Variants in HS6ST3 observed in about 807,000 individuals in gnomAD.
HS6ST3 encodes the protein heparan-sulfate 6-O-sulfotransferase 3.
Under a neutral mutation model 36.7 loss-of-function variants are expected in HS6ST3, and 12 were observed. The ratio of observed to expected loss-of-function variants is 0.33; its 90% CI spans 0.21 to 0.53. The LOEUF (loss-of-function observed/expected upper bound fraction) is 0.53. HS6ST3 is among the 20% of genes least tolerant of loss of function. HS6ST3 has a pLI of 0.95. For missense variants in HS6ST3, 584 were observed against 640.9 expected, an observed-to-expected ratio of 0.91 and a Z score of 0.96; for synonymous variants, 240 against 257.5, an observed-to-expected ratio of 0.93 and a Z score of 0.65.
chr13:96,382,758 A>AT (rs2055347656), intron 1 of HS6ST3, among the ~76,000 whole-genome samples: 1 of 152,204 alleles, frequency 6.6e-6, no homozygotes, highest in Admixed American at 6.5e-5. Context: ...TATGCTTCTC[A>AT]TGTCAATATT....
intron 1 of HS6ST3, among the ~76,000 whole-genome samples, chr13:96,367,755 T>C (rs1279193314): frequency 1.3e-5 from 2 of 152,182 alleles, no homozygotes; most frequent in Non-Finnish European, 2.9e-5. Flanking sequence ...GAAGCAACAG[T>C]GGAGGAAGTA....
chr13:96,417,243 A>G (rs546833523), intron 1 of HS6ST3, among the ~76,000 whole-genome samples: 15 of 152,244 alleles, frequency 9.9e-5, no homozygotes, highest in South Asian at 8.3e-4. Context: ...ACCTAATGCT[A>G]TGTACAAGGT....
At position 96,540,349 on chromosome 13, in the gene HS6ST3, A is replaced by C. The variant is rs1425799473; in HGVS notation, c.708-292141A>C. Among the ~76,000 whole-genome samples the C allele has an allele frequency of 2.0e-5, 3 of 152,376 alleles. No individual in the cohort carries two copies. The East Asian group carries it at 5.8e-4, about 29-fold the overall frequency. On this transcript the variant is annotated intron_variant, in intron 1 of 1. Coordinates refer to ENST00000376705, the MANE Select transcript of HS6ST3 (RefSeq NM_153456.4). The stretch of plus-strand genomic sequence containing the variant: ...TAAGGTTTTTACAGCACTCAGGTAT[A>C]AAACTTAATTAAAATGCCCAAATAT...
intron 1 of HS6ST3, among the ~76,000 whole-genome samples, chr13:96,644,544 G>T (rs1208035391): frequency 1.3e-5 from 2 of 151,998 alleles, no homozygotes; most frequent in Non-Finnish European, 2.9e-5. Context: ...ATGGAGATCT[G>T]CCAGGGCTCA....
intron 1 of HS6ST3, among the ~76,000 whole-genome samples, chr13:96,719,133 G>T (rs1357959277): frequency 1.3e-5 from 2 of 152,064 alleles, no homozygotes; most frequent in East Asian, 3.9e-4. Context: ...AATTAGCAGG[G>T]TATGGTGGCG....
At chr13:96,209,888 G>A (rs1378136643) in intron 1 of HS6ST3, among the ~76,000 whole-genome samples, 1 of 152,154 alleles carries the variant, frequency 6.6e-6, no homozygotes, top group Non-Finnish European at 1.5e-5. Context: ...TGATGACATT[G>A]TCCTCTTTAA....
intron 1 of HS6ST3, among the ~76,000 whole-genome samples, chr13:96,404,300 G>A (rs1238425887): frequency 6.6e-6 from 1 of 152,054 alleles, no homozygotes; most frequent in Admixed American, 6.6e-5. Flanking sequence ...TATGCCCGTA[G>A]GACACAATTT....
At chr13:96,230,163 G>A (rs1209983138) in intron 1 of HS6ST3, among the ~76,000 whole-genome samples, 1 of 152,118 alleles carries the variant, frequency 6.6e-6, no homozygotes, top group Non-Finnish European at 1.5e-5. Context: ...AGTTGTTGAA[G>A]GACCCTGAGA....
intron 1 of HS6ST3, among the ~76,000 whole-genome samples, chr13:96,615,129 T>C (rs1306308154): frequency 1.3e-5 from 2 of 152,190 alleles, no homozygotes; most frequent in Non-Finnish European, 2.9e-5. Flanking sequence ...AAAGTAATTG[T>C]GGTTTTTGCT....
intron 1 of HS6ST3, among the ~76,000 whole-genome samples, chr13:96,618,664 G>A (rs1052803628): frequency 2.6e-5 from 4 of 152,152 alleles, no homozygotes; most frequent in Admixed American, 6.5e-5. Context: ...CATTTCTGAC[G>A]TGGTACAATG....
At chr13:96,299,764 A>G (rs1314339186) in intron 1 of HS6ST3, among the ~76,000 whole-genome samples, 1 of 152,166 alleles carries the variant, frequency 6.6e-6, no homozygotes, top group Non-Finnish European at 1.5e-5. Flanking sequence ...TGGCGTTTTG[A>G]AGGAAGGGGA....
At chr13:96,337,808 AC>A (rs1594757156) in intron 1 of HS6ST3, among the ~76,000 whole-genome samples, 2 of 151,898 alleles carry the variant, frequency 1.3e-5, no homozygotes, top group East Asian at 3.9e-4. Context: ...AAGTAGGACC[AC>A]CTAGATTGAT....
At chr13:96,111,397 G>A (rs1431432694) in intron 1 of HS6ST3, among the ~76,000 whole-genome samples, 1 of 152,176 alleles carries the variant, frequency 6.6e-6, no homozygotes, top group East Asian at 1.9e-4. Context: ...TAAAACCAAT[G>A]AAAAGGAACA....
intron 1 of HS6ST3, among the ~76,000 whole-genome samples, chr13:96,722,989 G>A (rs766200671): frequency 5.0e-4 from 25 of 50,096 alleles, no homozygotes; most frequent in African/African-American, 1.6e-3. Context: ...AAAAATATAC[G>A]TGTGTGTGTG....
chr13:96,632,614 T>A (rs762304197), intron 1 of HS6ST3, among the ~76,000 whole-genome samples: 5 of 152,224 alleles, frequency 3.3e-5, no homozygotes, highest in Non-Finnish European at 5.9e-5. Context: ...AGAGTTTAAA[T>A]GTATGCTCTC....
intron 1 of HS6ST3, among the ~76,000 whole-genome samples, chr13:96,704,875 A>G (rs138367341): frequency 7.4e-4 from 112 of 152,340 alleles, no homozygotes; most frequent in East Asian, 1.9e-3. Flanking sequence ...CTGGGATTCC[A>G]TAGGGGTGCT....
chr13:96,268,198 T>A (rs1369636818), intron 1 of HS6ST3, among the ~76,000 whole-genome samples: 2 of 152,024 alleles, frequency 1.3e-5, no homozygotes, highest in East Asian at 3.8e-4. Flanking sequence ...AATTTAGTCC[T>A]GTGTTAGTCC....
intron 1 of HS6ST3, among the ~76,000 whole-genome samples, chr13:96,215,302 G>A (rs1010357820): frequency 6.6e-6 from 1 of 152,220 alleles, no homozygotes; most frequent in Non-Finnish European, 1.5e-5. Flanking sequence ...CCAGTGATTA[G>A]TAATTCTTGG....
chr13:96,821,803 C>T (rs1765545300), intron 1 of HS6ST3, among the ~76,000 whole-genome samples: 1 of 152,044 alleles, frequency 6.6e-6, no homozygotes, highest in Non-Finnish European at 1.5e-5. Flanking sequence ...ACAAAAAATC[C>T]TAAAACAGAA....
Sources: gnomAD v4.1 joint callset for allele counts (sites outside exome capture counted in the v4.1 genomes callset) on GRCh38, gnomAD v4.1.1 for gene constraint, MANE v1.5 for transcripts, NCBI Gene and HGNC (gene_info 2026-07-23, HGNC 2026-07-21) for gene names.